Variants in SLC24A2 observed in about 807,000 individuals in gnomAD.
The protein encoded by SLC24A2 is sodium/potassium/calcium exchanger 2.
In SLC24A2, 36 loss-of-function variants were observed where a neutral mutation model predicts 62.0. The observed-to-expected ratio is 0.58, with a 90% CI of 0.44 to 0.77. The LOEUF (loss-of-function observed/expected upper bound fraction) is 0.77. Ranked by LOEUF, SLC24A2 falls within the 30% of genes least tolerant of loss-of-function variation. The pLI is 0.00. For missense variants in SLC24A2, 846 were observed against 817.9 expected, an observed-to-expected ratio of 1.03 and a Z score of -0.42; for synonymous variants, 358 against 294.0, an observed-to-expected ratio of 1.22 and a Z score of -2.23.
At chr9:19,898,035 T>C in the SLC24A2 span, among the ~76,000 whole-genome samples, 3 of 152,188 alleles carry the variant, frequency 2.0e-5, no homozygotes, top group Non-Finnish European at 4.4e-5. Flanking sequence ...TTTTACACAA[T>C]TGTGGAAGAG....
chr9:20,100,988 G>A, the SLC24A2 span, among the ~76,000 whole-genome samples: 1 of 152,176 alleles, frequency 6.6e-6, no homozygotes, highest in Non-Finnish European at 1.5e-5. Flanking sequence ...AGTAGGCAAG[G>A]CTAACCTTCC....
the SLC24A2 span, among the ~76,000 whole-genome samples, chr9:19,901,796 ACT>A: frequency 1.3e-5 from 2 of 152,122 alleles, no homozygotes; most frequent in East Asian, 3.9e-4. Flanking sequence ...GGAGAAAGCT[ACT>A]GAGATAAGTC....
chr9:19,839,360 A>C, the SLC24A2 span, among the ~76,000 whole-genome samples: 1 of 152,220 alleles, frequency 6.6e-6, no homozygotes, highest in African/African-American at 2.4e-5. Context: ...TTTCTGTTTC[A>C]GCAACATGCT....
At chr9:20,234,302 G>C in the SLC24A2 span, among the ~76,000 whole-genome samples, 1 of 152,166 alleles carries the variant, frequency 6.6e-6, no homozygotes, top group Non-Finnish European at 1.5e-5. Context: ...AGTTCTCCTG[G>C]ATAATATCCT....
At chr9:20,022,188 T>C in the SLC24A2 span, among the ~76,000 whole-genome samples, 1 of 152,176 alleles carries the variant, frequency 6.6e-6, no homozygotes, top group South Asian at 2.1e-4. Context: ...TAAAATGAAA[T>C]GCATCTTGTA....
intron 2 of SLC24A2, among the ~76,000 whole-genome samples, chr9:19,667,856 T>C (rs1819301092): frequency 6.6e-6 from 1 of 152,172 alleles, no homozygotes; most frequent in Non-Finnish European, 1.5e-5. Flanking sequence ...CTCTGTCTTG[T>C]CACCCTATAA....
At chr9:20,256,819 C>G in the SLC24A2 span, among the ~76,000 whole-genome samples, 1 of 152,040 alleles carries the variant, frequency 6.6e-6, no homozygotes, top group African/African-American at 2.4e-5. Context: ...TCTTTTTACT[C>G]TTTTTATTTG....
the SLC24A2 span, among the ~76,000 whole-genome samples, chr9:20,109,162 G>A: frequency 8.5e-5 from 13 of 152,114 alleles, no homozygotes; most frequent in Non-Finnish European, 1.6e-4. Context: ...GTTTGGGTAC[G>A]TATACTCTCT....
the SLC24A2 span, among the ~76,000 whole-genome samples, chr9:19,837,152 C>T: frequency 1.3e-5 from 2 of 152,098 alleles, no homozygotes; most frequent in African/African-American, 4.8e-5. Context: ...GAAGCGTTCC[C>T]TTTGAAAACT....
At chr9:19,773,421 A>C (rs542938190) in intron 2 of SLC24A2, among the ~76,000 whole-genome samples, 1 of 152,366 alleles carries the variant, frequency 6.6e-6, no homozygotes, top group East Asian at 1.9e-4. Context: ...ACTGGCTTTT[A>C]GAATTGAAAT....
chr9:19,799,597 T>C, the SLC24A2 span, among the ~76,000 whole-genome samples: 2 of 152,214 alleles, frequency 1.3e-5, no homozygotes, highest in Non-Finnish European at 2.9e-5. Context: ...ATAAAATCTA[T>C]AGATCCTCTG....
chr9:19,605,074 G>C (rs969010748), intron 4 of SLC24A2, among the ~76,000 whole-genome samples: 1 of 152,176 alleles, frequency 6.6e-6, no homozygotes, highest in African/African-American at 2.4e-5. Flanking sequence ...GGAAGATTAA[G>C]ATATCTTTCC....
intron 8 of SLC24A2, among the ~76,000 whole-genome samples, chr9:19,548,623 T>C (rs548355022): frequency 3.3e-5 from 5 of 152,328 alleles, no homozygotes; most frequent in Admixed American, 6.5e-5. Flanking sequence ...AGTCTCCTGA[T>C]TGGCAACTGT....
the SLC24A2 span, among the ~76,000 whole-genome samples, chr9:19,935,105 G>T: frequency 6.6e-6 from 1 of 151,078 alleles, no homozygotes; most frequent in African/African-American, 2.4e-5. Flanking sequence ...TAGTCACGGG[G>T]CAGGATGGGT....
chr9:20,072,791 T>C, the SLC24A2 span, among the ~76,000 whole-genome samples: 3 of 152,016 alleles, frequency 2.0e-5, no homozygotes, highest in Non-Finnish European at 4.4e-5. Flanking sequence ...TACAAGAAGC[T>C]GAAGAAGGCA....
intron 2 of SLC24A2, among the ~76,000 whole-genome samples, chr9:19,761,464 ATTTT>A (rs757053703): frequency 1.1e-4 from 14 of 131,222 alleles, no homozygotes; most frequent in Non-Finnish European, 1.1e-4. Flanking sequence ...TCATTTTTTA[ATTTT>A]TTTATTTTAT....
chr9:20,036,237 A>C, the SLC24A2 span, among the ~76,000 whole-genome samples: 1 of 152,200 alleles, frequency 6.6e-6, no homozygotes, highest in Non-Finnish European at 1.5e-5. Context: ...TATGAGGCAC[A>C]AAGTGATGCT....
At chr9:19,948,530 G>C in the SLC24A2 span, among the ~76,000 whole-genome samples, 5 of 152,308 alleles carry the variant, frequency 3.3e-5, no homozygotes, top group East Asian at 9.6e-4. Context: ...TAAGGATCTG[G>C]TAGAGATTGA....
intron 10 of SLC24A2, among the ~76,000 whole-genome samples, chr9:19,517,365 G>T (rs1832982843): frequency 6.6e-6 from 1 of 152,204 alleles, no homozygotes; most frequent in African/African-American, 2.4e-5. Flanking sequence ...GGGAGGTTCA[G>T]TTTTGGCCTA....
Sources: allele counts gnomAD v4.1 joint callset (sites outside exome capture counted in the v4.1 genomes callset), GRCh38; gene constraint gnomAD v4.1.1; transcripts MANE v1.5; gene names NCBI Gene and HGNC (gene_info 2026-07-23, HGNC 2026-07-21).